Variants in ASIC2 observed in about 807,000 individuals in gnomAD.
ASIC2 encodes the protein acid-sensing ion channel 2.
ASIC2 carries 25 observed loss-of-function variants against 57.3 expected under a neutral mutation model. That is an observed-to-expected ratio of 0.44 (90% CI 0.32 to 0.61). The LOEUF is 0.61. Ranked by LOEUF, ASIC2 falls within the 20% of genes least tolerant of loss-of-function variation. The pLI is 0.06. For synonymous variants in ASIC2, 319 were observed against 307.5 expected, an observed-to-expected ratio of 1.04 and a Z score of -0.39; for missense variants, 641 against 738.1, an observed-to-expected ratio of 0.87 and a Z score of 1.52.
chr17:33,754,287 G>A (rs1448991716), intron 1 of ASIC2, among the ~76,000 whole-genome samples: 2 of 152,098 alleles, frequency 1.3e-5, no homozygotes, highest in Non-Finnish European at 2.9e-5. Flanking sequence ...GAGTCCATCC[G>A]AGTTGGCAGG....
At chr17:33,057,432 G>T in intron 3 of ASIC2, among the ~76,000 whole-genome samples, 1 of 152,346 alleles carries the variant, frequency 6.6e-6, no homozygotes, top group East Asian at 1.9e-4. Flanking sequence ...GGTCTCTTCT[G>T]TCTCTATGTG....
chr17:33,361,122 A>G (rs1195928918), intron 1 of ASIC2, among the ~76,000 whole-genome samples: 3 of 152,166 alleles, frequency 2.0e-5, no homozygotes, highest in South Asian at 4.1e-4. Flanking sequence ...AAAGGCTGGG[A>G]GGAGCATGTA....
chr17:33,054,301 G>T (rs1486610048), intron 3 of ASIC2, among the ~76,000 whole-genome samples: 3 of 152,090 alleles, frequency 2.0e-5, no homozygotes, highest in Non-Finnish European at 4.4e-5. Flanking sequence ...CCCAAATCTG[G>T]GGCTCAAATG....
At chr17:33,613,612 C>G (rs548456297) in intron 1 of ASIC2, among the ~76,000 whole-genome samples, 17 of 152,256 alleles carry the variant, frequency 1.1e-4, no homozygotes, top group Non-Finnish European at 1.9e-4. Flanking sequence ...TGTGATCAGC[C>G]CACCTCAGCC....
At chr17:33,318,816 C>T (rs1906756790) in intron 1 of ASIC2, among the ~76,000 whole-genome samples, 1 of 152,022 alleles carries the variant, frequency 6.6e-6, no homozygotes, top group African/African-American at 2.4e-5. Flanking sequence ...CACAAGAAGG[C>T]CCTTTTGGTT....
chr17:33,639,964 A>G (rs1166534036), intron 1 of ASIC2, among the ~76,000 whole-genome samples: 2 of 152,180 alleles, frequency 1.3e-5, no homozygotes, highest in East Asian at 3.9e-4. Flanking sequence ...GTCCTGATAC[A>G]AGGAAGTGAC....
At chr17:33,613,608 C>T (rs1217315141) in intron 1 of ASIC2, among the ~76,000 whole-genome samples, 1 of 152,124 alleles carries the variant, frequency 6.6e-6, no homozygotes, top group Non-Finnish European at 1.5e-5. Context: ...ACCTTGTGAT[C>T]AGCCCACCTC....
chr17:34,073,220 T>C (rs940381793), intron 1 of ASIC2, among the ~76,000 whole-genome samples: 1 of 152,208 alleles, frequency 6.6e-6, no homozygotes. Flanking sequence ...GTCATTGTCA[T>C]ATGGGGCCTA....
intron 3 of ASIC2, among the ~76,000 whole-genome samples, chr17:33,032,816 A>G (rs1218052600): frequency 6.6e-6 from 1 of 152,178 alleles, no homozygotes; most frequent in Non-Finnish European, 1.5e-5. Context: ...GTTACGTTTT[A>G]TATTTATCCA....
At chr17:33,033,540 G>A (rs1367340685) in intron 3 of ASIC2, among the ~76,000 whole-genome samples, 1 of 152,186 alleles carries the variant, frequency 6.6e-6, no homozygotes, top group African/African-American at 2.4e-5. Context: ...ACCCTCAGTG[G>A]CCCCAGAAGG....
At chr17:33,568,676 T>C (rs1440800519) in intron 1 of ASIC2, among the ~76,000 whole-genome samples, 1 of 152,218 alleles carries the variant, frequency 6.6e-6, no homozygotes. Context: ...TAGATATACA[T>C]AAACTATATA....
chr17:34,152,510 C>T (rs906727374), intron 1 of ASIC2, among the ~76,000 whole-genome samples: 3 of 152,140 alleles, frequency 2.0e-5, no homozygotes, highest in Admixed American at 2.0e-4. Flanking sequence ...AAAGCAGTAG[C>T]CACCTCTCCC....
At chr17:34,128,254 C>T (rs1382862673) in intron 1 of ASIC2, among the ~76,000 whole-genome samples, 1 of 152,080 alleles carries the variant, frequency 6.6e-6, no homozygotes, top group Non-Finnish European at 1.5e-5. Context: ...TCAAAGTGGC[C>T]CGTGGGATTC....
At chr17:34,038,630 T>C in intron 1 of ASIC2, 3 of 1,595,074 alleles carry the variant, frequency 1.9e-6, no homozygotes, top group Admixed American at 3.3e-5. Context: ...TTCCCTGATA[T>C]GTAGTTTTCT....
At chr17:33,104,719 C>G (rs1258808333) in intron 2 of ASIC2, among the ~76,000 whole-genome samples, 1 of 152,300 alleles carries the variant, frequency 6.6e-6, no homozygotes, top group South Asian at 2.1e-4. Flanking sequence ...GCTGCCTAAA[C>G]CTCTTTCCCT....
intron 1 of ASIC2, among the ~76,000 whole-genome samples, chr17:33,380,705 T>A (rs1040288714): frequency 2.6e-5 from 4 of 152,210 alleles, no homozygotes; most frequent in Admixed American, 2.0e-4. Flanking sequence ...TCATCAAGGA[T>A]GCAACATTCC....
chr17:33,579,410 G>A (rs760654997), intron 1 of ASIC2, among the ~76,000 whole-genome samples: 10 of 152,002 alleles, frequency 6.6e-5, no homozygotes, highest in African/African-American at 2.2e-4. Context: ...GGAGGGGAAG[G>A]TAGAAAACAA....
intron 1 of ASIC2, among the ~76,000 whole-genome samples, chr17:33,742,979 G>A (rs1054042348): frequency 3.3e-5 from 5 of 152,162 alleles, no homozygotes; most frequent in African/African-American, 4.8e-5. Context: ...CTGTTGGTAA[G>A]TCCTAGTAAC....
chr17:33,835,799 C>T (rs1413292180), intron 1 of ASIC2, among the ~76,000 whole-genome samples: 7 of 151,924 alleles, frequency 4.6e-5, no homozygotes, highest in Non-Finnish European at 1.0e-4. Context: ...AATTGCTATA[C>T]ATATTAATTA....
Sources: allele counts gnomAD v4.1 joint callset (sites outside exome capture counted in the v4.1 genomes callset), GRCh38; gene constraint gnomAD v4.1.1; transcripts MANE v1.5; gene names NCBI Gene and HGNC (gene_info 2026-07-23, HGNC 2026-07-21).